The following DSCAM variants were observed in gnomAD, a reference collection of about 807,000 sequenced individuals.
The protein encoded by DSCAM is cell adhesion molecule DSCAM.
In DSCAM, 47 loss-of-function variants were observed where a neutral mutation model predicts 217.7. The observed-to-expected ratio is 0.22, with a 90% CI of 0.17 to 0.28. DSCAM has a LOEUF of 0.28. DSCAM is among the 10% of genes least tolerant of loss of function. DSCAM has a pLI of 1.00. For synonymous variants in DSCAM, 1,056 were observed against 1,015.3 expected (o/e 1.04, Z -0.76); for missense variants, 2,080 against 2,618.3 (o/e 0.79, Z 4.49).
intron 3 of DSCAM, among the ~76,000 whole-genome samples, chr21:40,473,539 A>C (rs778489235): frequency 1.3e-4 from 20 of 152,198 alleles, no homozygotes; most frequent in Non-Finnish European, 2.8e-4. Flanking sequence ...GGGCTCTGAA[A>C]TTGGGCAGCG....
chr21:40,406,855 G>C (rs554922053), intron 3 of DSCAM, among the ~76,000 whole-genome samples: 1 of 152,132 alleles, frequency 6.6e-6, no homozygotes, highest in Non-Finnish European at 1.5e-5. Flanking sequence ...CTGACCTCGA[G>C]TGATCCACCT....
chr21:40,830,510 C>T (rs898312605), intron 1 of DSCAM, among the ~76,000 whole-genome samples: 2 of 152,152 alleles, frequency 1.3e-5, no homozygotes, highest in African/African-American at 2.4e-5. Context: ...CACTCAGAAA[C>T]CAGCTGACCT....
Position 40,518,462 on chromosome 21 carries a change from A to T in DSCAM, c.509-149217T>A, listed in dbSNP as rs1249107571. Among the ~76,000 whole-genome samples, 16 of 15,746 alleles carry T rather than the reference A, an allele frequency of 1.0e-3. 4 individuals carry two copies. Among genetic ancestry groups the T allele is most frequent in the African/African-American group, 5.4e-3 (13 of 2,424 alleles). The allele number at this position is 15,746 out of a possible 152,430, so 10.3% of individuals were successfully genotyped here. On this transcript the variant is annotated intron_variant, in intron 3 of 32. Transcript: ENST00000400454. ...ATTATATATATTATATATTATATAT[A>T]ATATATATAATATATATTTTATATA...
intron 1 of DSCAM, among the ~76,000 whole-genome samples, chr21:40,750,771 G>A (rs908322580): frequency 6.6e-6 from 1 of 152,096 alleles, no homozygotes; most frequent in Admixed American, 6.6e-5. Context: ...TAACTGCTCA[G>A]GCTACAGTCC....
chr21:40,617,016 C>CAA (rs1223963613), intron 3 of DSCAM, among the ~76,000 whole-genome samples: 1,593 of 68,730 alleles, frequency 0.023, 91 homozygotes, highest in African/African-American at 0.084. Flanking sequence ...GACTCCGTCT[C>CAA]AAAAAAAAAA....
At chr21:40,533,337 T>C (rs1028063128) in intron 3 of DSCAM, among the ~76,000 whole-genome samples, 2 of 152,188 alleles carry the variant, frequency 1.3e-5, no homozygotes, top group African/African-American at 4.8e-5. Context: ...TATGTGAAAA[T>C]TGTTTCTTTC....
intron 3 of DSCAM, among the ~76,000 whole-genome samples, chr21:40,660,483 A>G (rs2090127032): frequency 6.6e-6 from 1 of 152,208 alleles, no homozygotes; most frequent in African/African-American, 2.4e-5. Flanking sequence ...CTCAAAAATG[A>G]AAAAGTATTT....
chr21:40,183,029 ACCGTGG>A lies in DSCAM; in HGVS notation c.2780-3941_2780-3936del, dbSNP rs1179802155. Among the ~76,000 whole-genome samples, 13 of 47,280 alleles carry A rather than the reference ACCGTGG, an allele frequency of 2.7e-4. 4 individuals are homozygous for A. The highest frequency in any genetic ancestry group is 4.8e-4 in the African/African-American group (4 of 8,298). 31.0% of individuals were successfully genotyped at this position (47,280 alleles called of 152,430 possible). A position where few individuals can be genotyped will look rare whatever the true frequency, so the allele number is the denominator to read the frequency against. ...GTGGACAGAACGGGCCACCAGAGAA[ACCGTGG>A]ACAGGAGGGGGCTACCAGAGAAACC... On this transcript the variant is annotated intron_variant, in intron 14 of 32. Coordinates refer to ENST00000400454, the MANE Select transcript of DSCAM (RefSeq NM_001389.5).
chr21:40,590,953 TCCCCA>T (rs1239787770), intron 3 of DSCAM, among the ~76,000 whole-genome samples: 1 of 151,492 alleles, frequency 6.6e-6, no homozygotes, highest in Non-Finnish European at 1.5e-5. Flanking sequence ...TTTGGCCGTG[TCCCCA>T]CCCAAAATCT....
At chr21:40,713,482 G>A (rs1217284029) in intron 1 of DSCAM, among the ~76,000 whole-genome samples, 1 of 152,188 alleles carries the variant, frequency 6.6e-6, no homozygotes, top group Non-Finnish European at 1.5e-5. Flanking sequence ...GGGAAGGATT[G>A]CTGTCTTTCC....
intron 3 of DSCAM, among the ~76,000 whole-genome samples, chr21:40,505,813 C>T (rs1447623118): frequency 6.6e-6 from 1 of 152,180 alleles, no homozygotes; most frequent in Non-Finnish European, 1.5e-5. Context: ...TTTAAAATCC[C>T]ACTACACTCC....
rs368951816 is a variant in DSCAM, at chr21:40,769,802, A to G, written c.44-61031T>C. On this transcript the variant is annotated intron_variant, in intron 1 of 32. Coordinates refer to ENST00000400454, the MANE Select transcript of DSCAM (RefSeq NM_001389.5). ...ATCTGATCAGGTTTCTCCTTCACCA[A>G]CCCCCAGGTGGTTGTCTGATCACCC... Among the ~76,000 whole-genome samples, 20 of 151,910 alleles carry G rather than the reference A, an allele frequency of 1.3e-4. No homozygotes were observed. In the East Asian group the frequency reaches 3.3e-3, roughly 25 times the overall value.
intron 14 of DSCAM, among the ~76,000 whole-genome samples, chr21:40,182,708 T>C (rs72656929): frequency 7.0e-3 from 135 of 19,200 alleles, no homozygotes; most frequent in Admixed American, 9.5e-3. Flanking sequence ...CGGGGGGGGG[T>C]TACCAGAGAA....
At chr21:40,294,753 ATC>A (rs1243660975) in intron 10 of DSCAM, among the ~76,000 whole-genome samples, 1 of 152,230 alleles carries the variant, frequency 6.6e-6, no homozygotes, top group East Asian at 1.9e-4. Flanking sequence ...TATGATGTTT[ATC>A]TGTTTCCATG....
intron 32 of DSCAM, among the ~76,000 whole-genome samples, chr21:40,032,721 G>A (rs2088551158): frequency 6.6e-6 from 1 of 152,108 alleles, no homozygotes; most frequent in African/African-American, 2.4e-5. Flanking sequence ...TAGTGTTGTT[G>A]CAAGTCTGGT....
At position 40,376,410 on chromosome 21, in the gene DSCAM, CAT is replaced by C. The variant is rs1491214295; in HGVS notation, c.509-7167_509-7166del. On this transcript the variant is annotated intron_variant, in intron 3 of 32. Coordinates refer to ENST00000400454, the MANE Select transcript of DSCAM (RefSeq NM_001389.5). ...ATAGAAGATATATATATATCTATAT[CAT>C]ATATATCTTATATAGATATCTATAT... 2.9e-3 allele frequency among the ~76,000 whole-genome samples: 423 copies of C among 143,392 alleles called. 2 individuals carry two copies. The highest frequency in any genetic ancestry group is 0.01 in the African/African-American group (391 of 38,716). 94.1% of individuals were successfully genotyped at this position (143,392 alleles called of 152,430 possible). A position where few individuals can be genotyped will look rare whatever the true frequency, so the allele number is the denominator to read the frequency against.
intron 3 of DSCAM, among the ~76,000 whole-genome samples, chr21:40,478,742 G>A (rs2075958128): frequency 6.6e-6 from 1 of 152,126 alleles, no homozygotes; most frequent in South Asian, 2.1e-4. Context: ...CAGTAGCCCT[G>A]CCTTATACAC....
intron 1 of DSCAM, among the ~76,000 whole-genome samples, chr21:40,731,957 C>A (rs969762544): frequency 3.9e-5 from 6 of 152,088 alleles, no homozygotes; most frequent in African/African-American, 1.4e-4. Context: ...AAACTCCTGA[C>A]CTCATGATCC....
chr21:40,709,074 T>C (rs2223004), intron 1 of DSCAM, among the ~76,000 whole-genome samples: 10,105 of 152,206 alleles, frequency 0.066, 331 homozygotes, highest in African/African-American at 0.093. Context: ...CTGACCACCA[T>C]TGGACTGTAT....
Sources: allele counts gnomAD v4.1 joint callset (sites outside exome capture counted in the v4.1 genomes callset), GRCh38; gene constraint gnomAD v4.1.1; transcripts MANE v1.5; gene names NCBI Gene and HGNC (gene_info 2026-07-23, HGNC 2026-07-21).